Variants in ACP6 observed in about 807,000 individuals in gnomAD.
ACP6 encodes lysophosphatidic acid phosphatase type 6.
ACP6 carries 48 observed loss-of-function variants against 48.1 expected under a neutral mutation model. The ratio of observed to expected loss-of-function variants is 1.00; its 90% confidence interval spans 0.79 to 1.27. ACP6 has a LOEUF of 1.27. ACP6 is among the 50% of genes most tolerant of loss of function. The pLI is 0.00. For missense variants in ACP6, 485 were observed against 529.1 expected (o/e 0.92, Z 0.82); for synonymous variants, 172 against 204.2 (o/e 0.84, Z 1.34).
At position 147,652,557 on chromosome 1, in the gene ACP6, G is replaced by C. The variant is rs781845521; in HGVS notation, c.781-8C>G. Reference sequence around the variant, plus strand: ...GCTTGGGAGGTTGTGTGCCTGAAAGGGCCACATGTAGTTTTAGAAAAAAAT... The same window carrying C: ...GCTTGGGAGGTTGTGTGCCTGAAAGCGCCACATGTAGTTTTAGAAAAAAAT... On this transcript the variant is annotated splice_polypyrimidine_tract_variant and splice_region_variant and intron_variant, in intron 6 of 9. Coordinates refer to ENST00000583509, the MANE Select transcript of ACP6 (RefSeq NM_016361.5). The C allele has an allele frequency of 1.2e-6, 2 of 1,613,694 alleles. No individual in the cohort carries two copies. The highest frequency in any genetic ancestry group is 1.3e-5 in the African/African-American group (1 of 74,844).
At chr1:147,654,597 C>G (rs1427873497) in intron 5 of ACP6, among the ~76,000 whole-genome samples, 1 of 152,176 alleles carries the variant, frequency 6.6e-6, no homozygotes, top group Non-Finnish European at 1.5e-5. Flanking sequence ...AAAAATGATG[C>G]AAGCATGGCC....
intron 5 of ACP6, 50 bp downstream of exon 5, chr1:147,655,111 G>A: frequency 6.9e-7 from 1 of 1,450,334 alleles, no homozygotes; most frequent in Non-Finnish European, 9.5e-7. Context: ...GCCAGCAAAG[G>A]TTGTAAAAGG....
At chr1:147,648,956 C>A (rs1298689609) in intron 8 of ACP6, among the ~76,000 whole-genome samples, 2 of 152,130 alleles carry the variant, frequency 1.3e-5, no homozygotes, top group African/African-American at 2.4e-5. Context: ...TTAGGAAAGA[C>A]CAAGGATTTT....
At position 147,654,300 on chromosome 1, in the gene ACP6, T is replaced by C; in HGVS notation, c.674A>G (p.Gln225Arg). Residue 225 changes from glutamine (Q) to arginine (R), a missense_variant, in exon 6 of 10, where the codon CAG (glutamine) becomes CGG (arginine). Transcript: ENST00000583509. ...TRGRRQTASL[Q>R]PGISEDLKKV... ...TTTCAAATCCTCTGAGATTCCTGGCTGTAAAGAGGCAGTCTGCCTCCGGCC... is the reference window on the plus strand; with the variant it reads ...TTTCAAATCCTCTGAGATTCCTGGCCGTAAAGAGGCAGTCTGCCTCCGGCC... The C allele has an allele frequency of 6.2e-7, 1 of 1,614,204 alleles. No individual in the cohort carries two copies. Among genetic ancestry groups the C allele is most frequent in the African/African-American group, 1.3e-5 (1 of 75,044 alleles).
At chr1:147,631,104 T>C (rs1659151322) in intron 5 of ACP6, 2 of 152,100 alleles carry the variant, frequency 1.3e-5, no homozygotes, top group African/African-American at 4.8e-5. Flanking sequence ...AGTGTGATAA[T>C]ACCAATGAGG....
At chr1:147,655,034 A>T in intron 5 of ACP6, 127 bp downstream of exon 5, 1 of 711,466 alleles carries the variant, frequency 1.4e-6, no homozygotes, top group Non-Finnish European at 2.4e-6. Flanking sequence ...AGTGTAATTT[A>T]AACCTTCCCA....
Position 147,648,414 on chromosome 1 carries a change from G to T in ACP6, c.978-3C>A. Reference sequence around the variant, plus strand: ...GAGCCGCATAGAGATACAGCTTTCTGCAAGAGGAAACAGCTCTCCACAATT... The same window carrying T: ...GAGCCGCATAGAGATACAGCTTTCTTCAAGAGGAAACAGCTCTCCACAATT... On this transcript the variant is annotated splice_polypyrimidine_tract_variant and splice_region_variant and intron_variant, in intron 8 of 9. Transcript: ENST00000583509. The T allele has an allele frequency of 6.2e-7, 1 of 1,614,060 alleles. No homozygotes were observed. Among genetic ancestry groups the T allele is most frequent in the African/African-American group, 1.3e-5 (1 of 75,046 alleles).
intron 1 of ACP6, among the ~76,000 whole-genome samples, chr1:147,666,767 T>C (rs587772160): frequency 2.6e-5 from 4 of 152,318 alleles, no homozygotes; most frequent in Non-Finnish European, 4.4e-5. Flanking sequence ...TTGACTCCAA[T>C]GTTCACCACG....
chr1:147,658,639 C>T (rs1553212094), intron 4 of ACP6, among the ~76,000 whole-genome samples: 1 of 152,142 alleles, frequency 6.6e-6, no homozygotes, highest in African/African-American at 2.4e-5. Flanking sequence ...AATGTCTCAC[C>T]TAAATAAAAA....
At position 147,669,939 on chromosome 1, in the gene ACP6, G is replaced by C. The variant is rs192581887; in HGVS notation, c.110C>G (p.Ala37Gly). 137 of 1,554,384 alleles carry C rather than the reference G, an allele frequency of 8.8e-5. No homozygotes were observed. The highest frequency in any genetic ancestry group is 1.1e-4 in the Non-Finnish European group (125 of 1,149,528). The change falls in exon 1 of 10, where the codon GCC (alanine) becomes GGC (glycine). Residue 37 changes from alanine (A) to glycine (G), a missense_variant. Physicochemically the swap from Ala to Gly is moderately conservative, Grantham distance 60 (BLOSUM62 0). Transcript: ENST00000583509. ...RRVALAELQE[A>G]DGQCPVDRSL... ...GCGGTCGACCGGACACTGGCCATCG[G>C]CCTCCTGCAGCTCGGCCAGGGCCAC...
rs1299521163 is a variant in ACP6, at chr1:147,646,139, T to C, written c.*1284A>G. 1.3e-5 allele frequency: 2 copies of C among 152,190 alleles called. No homozygotes were observed. Among genetic ancestry groups the C allele is most frequent in the East Asian group, 3.8e-4 (2 of 5,202 alleles). 9.4% of individuals were successfully genotyped at this position (152,190 alleles called of 1,614,324 possible). Reference sequence around the variant, plus strand: ...GGAAGGGGATGCTGAAGATTGAGGATAAAGATATGTGAATAGATTAAAGAA... The same window carrying C: ...GGAAGGGGATGCTGAAGATTGAGGACAAAGATATGTGAATAGATTAAAGAA... On this transcript the variant is annotated 3_prime_UTR_variant, in exon 10 of 10. Coordinates refer to ENST00000583509, the MANE Select transcript of ACP6 (RefSeq NM_016361.5).
chr1:147,636,557 G>A (rs1659308928), intron 5 of ACP6, among the ~76,000 whole-genome samples: 1 of 152,198 alleles, frequency 6.6e-6, no homozygotes, highest in African/African-American at 2.4e-5. Flanking sequence ...CTGATCCTCA[G>A]GTCAAAGGTG....
chr1:147,632,220 CA>C (rs1659188494), intron 5 of ACP6, among the ~76,000 whole-genome samples: 1 of 151,328 alleles, frequency 6.6e-6, no homozygotes, highest in South Asian at 2.1e-4. Flanking sequence ...CACACACACA[CA>C]CACCATCATT....
chr1:147,641,802 G>A (rs1370917566), downstream of ACP6, among the ~76,000 whole-genome samples: 1 of 152,170 alleles, frequency 6.6e-6, no homozygotes, highest in African/African-American at 2.4e-5. Context: ...GTGAGTGAGG[G>A]AGCCAGGGTT....
chr1:147,657,566 G>A (rs587734086), intron 4 of ACP6, among the ~76,000 whole-genome samples: 5 of 152,160 alleles, frequency 3.3e-5, no homozygotes, highest in South Asian at 2.1e-4. Context: ...GATTACAGGC[G>A]CCCACCACCA....
chr1:147,659,759 TG>T lies in ACP6; in HGVS notation c.235del (p.Gln79SerfsTer3). On this transcript the variant is annotated frameshift_variant, in exon 2 of 10. Coordinates refer to ENST00000583509, the MANE Select transcript of ACP6 (RefSeq NM_016361.5). LOFTEE classifies it high-confidence loss of function. The stretch of plus-strand genomic sequence containing the variant: ...AGTTTGGGGTGGGACCTCTAATAGC[TG>T]GGGGTTCCACTCTACCTGTTAGTAC... The part of the protein sequence containing the change: ...PLEEQVEWNP[Q>X]LLEVPPQTQF... 1 of 1,613,904 alleles carries T rather than the reference TG, an allele frequency of 6.2e-7. No individual in the cohort carries two copies. The highest frequency in any genetic ancestry group is 1.1e-5 in the South Asian group (1 of 91,056).
chr1:147,652,113 A>G (rs587706355), intron 7 of ACP6: 12 of 229,710 alleles, frequency 5.2e-5, no homozygotes, highest in Non-Finnish European at 8.5e-5. Flanking sequence ...GCAAATTGTA[A>G]CATGATGACT....
At chr1:147,640,851 G>A (rs962097306), downstream of ACP6, among the ~76,000 whole-genome samples, 8 of 152,196 alleles carry the variant, frequency 5.3e-5, no homozygotes, top group Non-Finnish European at 1.0e-4. Flanking sequence ...TCCCCAGCCA[G>A]CCTTAGACAG....
In ACP6 at chr1:147,644,568, A is replaced by T. The variant is rs1386469974; in HGVS notation, c.*2855T>A. 6 of 152,282 alleles carry T rather than the reference A, an allele frequency of 3.9e-5. No homozygotes were observed. Among genetic ancestry groups the T allele is most frequent in the Admixed American group, 3.9e-4 (6 of 15,286 alleles). The allele number at this position is 152,282 out of a possible 1,614,324, so 9.4% of individuals were successfully genotyped here. A position where few individuals can be genotyped will look rare whatever the true frequency, so the allele number is the denominator to read the frequency against. ...AGTTACGAGGCCTTTACAATAATCC[A>T]GGTAAAAGATGACACTGGGACTAAG... On this transcript the variant is annotated 3_prime_UTR_variant, in exon 10 of 10. Coordinates refer to ENST00000583509, the MANE Select transcript of ACP6 (RefSeq NM_016361.5).
Sources: allele counts gnomAD v4.1 joint callset (sites outside exome capture counted in the v4.1 genomes callset), GRCh38; gene constraint gnomAD v4.1.1; transcripts MANE v1.5; gene names NCBI Gene and HGNC (gene_info 2026-07-23, HGNC 2026-07-21).